PAX5: variants seen among roughly 807,000 people sequenced by gnomAD.
PAX5 encodes the protein paired box 5, also known as paired box protein Pax-5.
Under a neutral mutation model 43.7 loss-of-function variants are expected in PAX5, and 9 were observed. The observed-to-expected ratio is 0.21, with a 90% CI of 0.12 to 0.36. The LOEUF (loss-of-function observed/expected upper bound fraction) is 0.36, where lower values mean the gene tolerates loss of function less well. Ranked by LOEUF, PAX5 falls within the 10% of genes least tolerant of loss-of-function variation. The pLI is 1.00. For missense variants in PAX5, 383 were observed against 532.7 expected (o/e 0.72, Z 2.77); for synonymous variants, 228 against 214.3 (o/e 1.06, Z -0.56).
chr9:36,885,016 C>G (rs898989781), intron 7 of PAX5, among the ~76,000 whole-genome samples: 3 of 152,222 alleles, frequency 2.0e-5, no homozygotes, highest in African/African-American at 7.2e-5. Flanking sequence ...TACGCAGGCA[C>G]AGTCCCCAGA....
chr9:37,032,295 G>A (rs1226244783), intron 1 of PAX5, among the ~76,000 whole-genome samples: 2 of 152,158 alleles, frequency 1.3e-5, no homozygotes, highest in East Asian at 3.8e-4. Context: ...AGCTTGTCGG[G>A]AGAGCCAGCC....
intron 5 of PAX5, among the ~76,000 whole-genome samples, chr9:36,969,891 A>G (rs554630217): frequency 7.9e-5 from 12 of 152,382 alleles, no homozygotes; most frequent in Admixed American, 7.2e-4. Context: ...TAATGGCAAT[A>G]GTGTCTGTCA....
intron 8 of PAX5, among the ~76,000 whole-genome samples, chr9:36,874,622 C>T (rs1825757363): frequency 6.6e-6 from 1 of 152,220 alleles, no homozygotes; most frequent in African/African-American, 2.4e-5. Flanking sequence ...GAATGCCTTT[C>T]TCAGTTGCAC....
At chr9:37,030,696 T>C (rs1027943311) in intron 1 of PAX5, among the ~76,000 whole-genome samples, 1 of 152,336 alleles carries the variant, frequency 6.6e-6, no homozygotes, top group South Asian at 2.1e-4. Flanking sequence ...GAGAATAATG[T>C]GTGAGAAGCC....
intron 6 of PAX5, among the ~76,000 whole-genome samples, chr9:36,950,735 CTTTTTTTTTTTTT>C (rs55801947): frequency 1.7e-5 from 2 of 116,638 alleles, no homozygotes; most frequent in Admixed American, 9.0e-5. Flanking sequence ...ACTGAGTTTT[CTTTTTTTTTTTTT>C]TTTTTTTTTT....
chr9:36,858,445 G>A (rs78654595), intron 8 of PAX5, among the ~76,000 whole-genome samples: 4,521 of 152,188 alleles, frequency 0.03, 252 homozygotes, highest in African/African-American at 0.1. Context: ...TGGCAGGGTG[G>A]GAAACAGACA....
At chr9:36,947,744 A>G (rs1832661995) in intron 6 of PAX5, among the ~76,000 whole-genome samples, 1 of 152,088 alleles carries the variant, frequency 6.6e-6, no homozygotes, top group African/African-American at 2.4e-5. Context: ...CAGAATTTCC[A>G]AAACCATCAC....
rs1391829798 is a variant in PAX5 at position 36,833,819 on chromosome 9, CA to C, written c.*6740del. ...TTGGAGACAGATCATCTCCCACTTT[CA>C]AAGGCAATTCAATTGTGGTTTTTGT... On this transcript the variant is annotated 3_prime_UTR_variant, in exon 10 of 10. Transcript: ENST00000358127. 5 of 230,466 alleles carry C rather than the reference CA, an allele frequency of 2.2e-5. No homozygotes were observed. Among genetic ancestry groups the C allele is most frequent in the Non-Finnish European group, 4.3e-5 (5 of 117,338 alleles). 14.3% of individuals were successfully genotyped at this position (230,466 alleles called of 1,614,324 possible). A position where few individuals can be genotyped will look rare whatever the true frequency, so the allele number is the denominator to read the frequency against.
At chr9:37,025,939 G>C (rs1840310976) in intron 1 of PAX5, among the ~76,000 whole-genome samples, 1 of 152,338 alleles carries the variant, frequency 6.6e-6, no homozygotes, top group East Asian at 1.9e-4. Context: ...GAACTGGCCG[G>C]CTCCTAAGCA....
At position 36,833,913 on chromosome 9, in the gene PAX5, A is replaced by G. The variant is rs1821455277; in HGVS notation, c.*6647T>C. The G allele has an allele frequency of 4.3e-6, 1 of 232,802 alleles. No individual in the cohort carries two copies. Among genetic ancestry groups the G allele is most frequent in the African/African-American group, 2.2e-5 (1 of 45,348 alleles). The allele number at this position is 232,802 out of a possible 1,614,324, so 14.4% of individuals were successfully genotyped here. A position where few individuals can be genotyped will look rare whatever the true frequency, so the allele number is the denominator to read the frequency against. On this transcript the variant is annotated 3_prime_UTR_variant, in exon 10 of 10. Coordinates refer to ENST00000358127, the MANE Select transcript of PAX5 (RefSeq NM_016734.3). Reference sequence around the variant, plus strand: ...AGTAAGCGTCTATGCAGGCATCACAAACTTTGGCGGATACAGTAGATATGT... The same window carrying G: ...AGTAAGCGTCTATGCAGGCATCACAGACTTTGGCGGATACAGTAGATATGT...
At position 36,840,344 on chromosome 9, in the gene PAX5, A is replaced by G. The variant is rs986263224; in HGVS notation, c.*216T>C. ...CCAGTGGCCATCGGGAGAAGCTCATAGATTGGCTTTTAGAAATAGACAAGC... is the reference window on the plus strand; with the variant it reads ...CCAGTGGCCATCGGGAGAAGCTCATGGATTGGCTTTTAGAAATAGACAAGC... On this transcript the variant is annotated 3_prime_UTR_variant, in exon 10 of 10. Coordinates refer to ENST00000358127, the MANE Select transcript of PAX5 (RefSeq NM_016734.3). 1.6e-5 allele frequency: 10 copies of G among 619,126 alleles called. No homozygotes were observed. The South Asian group carries it at 1.9e-4, about 12-fold the overall frequency. 38.4% of individuals were successfully genotyped at this position (619,126 alleles called of 1,614,324 possible).
intron 5 of PAX5, among the ~76,000 whole-genome samples, chr9:36,996,607 C>T (rs1837415455): frequency 6.6e-6 from 1 of 152,218 alleles, no homozygotes; most frequent in Admixed American, 6.5e-5. Flanking sequence ...TGCCCTCATC[C>T]CGGGAGCAGC....
At chr9:36,856,864 T>C (rs1260384287) in intron 8 of PAX5, among the ~76,000 whole-genome samples, 1 of 152,192 alleles carries the variant, frequency 6.6e-6, no homozygotes, top group Non-Finnish European at 1.5e-5. Flanking sequence ...CTAGGTTTTG[T>C]CCTTAGCACC....
At chr9:36,933,968 G>C (rs4880040) in intron 6 of PAX5, among the ~76,000 whole-genome samples, 137,713 of 152,134 alleles carry the variant, frequency 0.91, 62,453 homozygotes, top group East Asian at 1. Flanking sequence ...GGTCCTCACT[G>C]TGTGGAATGG....
chr9:36,964,716 G>A (rs1452825147), intron 6 of PAX5, among the ~76,000 whole-genome samples: 1 of 152,138 alleles, frequency 6.6e-6, no homozygotes, highest in Non-Finnish European at 1.5e-5. Context: ...GAGAAAATGT[G>A]CCTTCTGCCG....
At chr9:36,972,456 T>C (rs549608652) in intron 5 of PAX5, among the ~76,000 whole-genome samples, 1 of 152,304 alleles carries the variant, frequency 6.6e-6, no homozygotes, top group South Asian at 2.1e-4. Context: ...TCCACCAAAA[T>C]CCACCTAGAT....
chr9:36,900,898 T>C (rs1328386862), intron 7 of PAX5, among the ~76,000 whole-genome samples: 1 of 145,236 alleles, frequency 6.9e-6, no homozygotes, highest in Non-Finnish European at 1.5e-5. Flanking sequence ...AGCCACTGGC[T>C]CCATTATCTC....
chr9:36,945,867 G>A (rs1047724604), intron 6 of PAX5, among the ~76,000 whole-genome samples: 3 of 152,228 alleles, frequency 2.0e-5, no homozygotes, highest in Non-Finnish European at 2.9e-5. Flanking sequence ...TCACAGGGCT[G>A]TTGAGAGAAT....
In PAX5 at chr9:36,966,545, G is replaced by C. The variant is rs539189649; in HGVS notation, c.780+4C>G. 6 of 1,612,198 alleles carry C rather than the reference G, an allele frequency of 3.7e-6. No individual in the cohort carries two copies. The highest frequency in any genetic ancestry group is 5.1e-6 in the Non-Finnish European group (6 of 1,178,658). On this transcript the variant is annotated splice_donor_region_variant and intron_variant, in intron 6 of 9. Coordinates refer to ENST00000358127, the MANE Select transcript of PAX5 (RefSeq NM_016734.3). Reference sequence around the variant, plus strand: ...GTGTGGTGGGCGTGCATCACGAGGCGTACCTGCTCGGGCTTGATGGGCTCT... The same window carrying C: ...GTGTGGTGGGCGTGCATCACGAGGCCTACCTGCTCGGGCTTGATGGGCTCT...
Sources: gnomAD v4.1 joint callset for allele counts (sites outside exome capture counted in the v4.1 genomes callset) on GRCh38, gnomAD v4.1.1 for gene constraint, MANE v1.5 for transcripts, NCBI Gene and HGNC (gene_info 2026-07-23, HGNC 2026-07-21) for gene names.